Variants in VEPH1 observed in about 807,000 individuals in gnomAD.
The protein encoded by VEPH1 is ventricular zone-expressed PH domain-containing protein homolog 1.
In VEPH1, 80 loss-of-function variants were observed where a neutral mutation model predicts 85.2. The ratio of observed to expected loss-of-function variants is 0.94; its 90% confidence interval spans 0.78 to 1.13. The LOEUF is 1.13. Among genes scored for constraint, VEPH1 ranks in the 50% most tolerant of loss-of-function variants. VEPH1 has a pLI of 0.00. For missense variants in VEPH1, 955 were observed against 980.5 expected, an observed-to-expected ratio of 0.97 and a Z score of 0.35; for synonymous variants, 297 against 348.0, an observed-to-expected ratio of 0.85 and a Z score of 1.63.
At chr3:157,269,448 G>A (rs1376959890) in intron 12 of VEPH1, among the ~76,000 whole-genome samples, 3 of 152,180 alleles carry the variant, frequency 2.0e-5, no homozygotes, top group Non-Finnish European at 4.4e-5. Context: ...GGAAACATTA[G>A]CAGAACTTTA....
intron 2 of VEPH1, among the ~76,000 whole-genome samples, chr3:157,490,542 T>C (rs1397583307): frequency 6.6e-6 from 1 of 151,974 alleles, no homozygotes; most frequent in African/African-American, 2.4e-5. Flanking sequence ...TTGGTAATAA[T>C]GAGAGGAGTG....
intron 9 of VEPH1, among the ~76,000 whole-genome samples, chr3:157,324,376 A>G (rs1577341768): frequency 6.6e-6 from 1 of 152,232 alleles, no homozygotes; most frequent in Non-Finnish European, 1.5e-5. Flanking sequence ...TCAGGGGTAC[A>G]TGTGCAGGAT....
At chr3:157,441,962 C>A (rs190163307) in intron 4 of VEPH1, among the ~76,000 whole-genome samples, 25 of 152,128 alleles carry the variant, frequency 1.6e-4, no homozygotes, top group African/African-American at 5.3e-4. Flanking sequence ...AAAGAGAGAA[C>A]CAGGTTGGGT....
At chr3:157,328,737 G>T (rs923029777) in intron 9 of VEPH1, among the ~76,000 whole-genome samples, 5 of 152,224 alleles carry the variant, frequency 3.3e-5, no homozygotes, top group Non-Finnish European at 5.9e-5. Context: ...CCACCAGGAA[G>T]CTCAGGAAAG....
Position 157,433,283 on chromosome 3 carries a change from C to T in VEPH1, c.530-4795G>A, listed in dbSNP as rs73873686. On this transcript the variant is annotated intron_variant, in intron 4 of 13. Transcript: ENST00000362010. Reference sequence around the variant, plus strand: ...CTTTGATGAATAGAGTCACTGTCCACGGGTATCCTTGTGTTAATCCTGCTT... The same window carrying T: ...CTTTGATGAATAGAGTCACTGTCCATGGGTATCCTTGTGTTAATCCTGCTT... Among the ~76,000 whole-genome samples, 547 of 152,260 alleles carry T rather than the reference C, an allele frequency of 3.6e-3. 2 individuals carry two copies. The highest frequency in any genetic ancestry group is 0.013 in the African/African-American group (522 of 41,564).
At chr3:157,266,918 A>G (rs1713724814) in intron 12 of VEPH1, among the ~76,000 whole-genome samples, 1 of 152,112 alleles carries the variant, frequency 6.6e-6, no homozygotes, top group Non-Finnish European at 1.5e-5. Flanking sequence ...CAGTTTGGAA[A>G]AATTCTGGAC....
chr3:157,295,923 C>G (rs1718072043), intron 11 of VEPH1, among the ~76,000 whole-genome samples: 1 of 152,030 alleles, frequency 6.6e-6, no homozygotes, highest in Non-Finnish European at 1.5e-5. Context: ...TCACTGCACT[C>G]TAGCCTGGGC....
chr3:157,432,160 T>G (rs372664730), intron 4 of VEPH1, among the ~76,000 whole-genome samples: 5 of 152,254 alleles, frequency 3.3e-5, no homozygotes, highest in South Asian at 2.1e-4. Flanking sequence ...TTTCATATAT[T>G]TATAGGTGAT....
intron 7 of VEPH1, among the ~76,000 whole-genome samples, chr3:157,373,205 C>CA (rs1163841205): frequency 6.6e-6 from 1 of 152,206 alleles, no homozygotes; most frequent in Non-Finnish European, 1.5e-5. Context: ...TCTCACTTAA[C>CA]ACTCCACTCT....
chr3:157,487,274 T>C (rs1738737986), intron 2 of VEPH1, among the ~76,000 whole-genome samples: 1 of 152,082 alleles, frequency 6.6e-6, no homozygotes, highest in East Asian at 1.9e-4. Flanking sequence ...AAGATATCAA[T>C]GAATACAGAA....
At chr3:157,442,682 G>A in intron 4 of VEPH1, 1 of 1,614,232 alleles carries the variant, frequency 6.2e-7, no homozygotes, top group South Asian at 1.1e-5. Context: ...TCACATCCTT[G>A]TGGGTAAATG....
intron 11 of VEPH1, among the ~76,000 whole-genome samples, chr3:157,296,492 G>A (rs979510566): frequency 3.3e-5 from 5 of 152,196 alleles, no homozygotes; most frequent in African/African-American, 1.2e-4. Context: ...TGTTGAGACT[G>A]ACCTTGGTGG....
intron 1 of VEPH1, among the ~76,000 whole-genome samples, chr3:157,503,032 C>A (rs1740235894): frequency 6.6e-6 from 1 of 152,102 alleles, no homozygotes; most frequent in African/African-American, 2.4e-5. Context: ...GCTCCTGAGG[C>A]CTAGAGACAT....
intron 7 of VEPH1, among the ~76,000 whole-genome samples, chr3:157,380,319 A>T (rs1238884766): frequency 2.6e-5 from 4 of 152,084 alleles, no homozygotes; most frequent in African/African-American, 4.8e-5. Flanking sequence ...TAAAATCTGG[A>T]CTGATTATAC....
chr3:157,431,303 C>T (rs372528154), intron 4 of VEPH1, among the ~76,000 whole-genome samples: 1 of 152,102 alleles, frequency 6.6e-6, no homozygotes, highest in African/African-American at 2.4e-5. Flanking sequence ...CATAAATTAC[C>T]CAGTCTCAGG....
Position 157,482,167 on chromosome 3 carries a change from T to C in VEPH1, c.139-11638A>G, listed in dbSNP as rs115631998. Among the ~76,000 whole-genome samples, 666 of 152,280 alleles carry C rather than the reference T, an allele frequency of 4.4e-3. 5 individuals are homozygous for C. Among genetic ancestry groups the C allele is most frequent in the African/African-American group, 0.014 (584 of 41,552 alleles). ...TCAGGTATTTTGACTCTTTTTTGGT[T>C]ATATATGAATTTTAGAATAGGTTTT... On this transcript the variant is annotated intron_variant, in intron 2 of 13. Transcript: ENST00000362010.
At chr3:157,472,455 G>A (rs1440393792) in intron 2 of VEPH1, among the ~76,000 whole-genome samples, 1 of 152,090 alleles carries the variant, frequency 6.6e-6, no homozygotes, top group African/African-American at 2.4e-5. Context: ...TTTTCTGTCT[G>A]CCATTTCTCA....
intron 11 of VEPH1, among the ~76,000 whole-genome samples, chr3:157,301,230 T>C (rs547919180): frequency 1.4e-4 from 21 of 152,296 alleles, no homozygotes; most frequent in African/African-American, 4.8e-4. Context: ...AGTTGCTTGG[T>C]GGGTGTACTT....
At chr3:157,449,053 C>T (rs1734755062) in intron 4 of VEPH1, among the ~76,000 whole-genome samples, 2 of 152,190 alleles carry the variant, frequency 1.3e-5, no homozygotes, top group African/African-American at 2.4e-5. Flanking sequence ...GATTGTGAGG[C>T]CTCCCTAGCC....
Sources: gnomAD v4.1 joint callset for allele counts (sites outside exome capture counted in the v4.1 genomes callset) on GRCh38, gnomAD v4.1.1 for gene constraint, MANE v1.5 for transcripts, NCBI Gene and HGNC (gene_info 2026-07-23, HGNC 2026-07-21) for gene names.